The following CNBD1 variants were observed in gnomAD, a reference collection of about 807,000 sequenced individuals.
CNBD1 encodes cyclic nucleotide binding domain containing 1, also known as cyclic nucleotide-binding domain-containing protein 1.
Under a neutral mutation model 54.4 loss-of-function variants are expected in CNBD1, and 71 were observed. The observed-to-expected ratio is 1.30, with a 90% CI of 1.08 to 1.59. The LOEUF is 1.59. Ranked by LOEUF, CNBD1 falls within the 40% of genes most tolerant of loss-of-function variation. The probability of loss-of-function intolerance (pLI) is 0.00; values close to 1 mark genes in which losing one functional copy is unlikely to be tolerated. For missense variants in CNBD1, 659 were observed against 518.0 expected, an observed-to-expected ratio of 1.27 and a Z score of -2.64; for synonymous variants, 182 against 170.7, an observed-to-expected ratio of 1.07 and a Z score of -0.51.
intron 8 of CNBD1, among the ~76,000 whole-genome samples, chr8:87,308,904 C>G (rs1213316076): frequency 6.6e-6 from 1 of 152,104 alleles, no homozygotes. Flanking sequence ...ATCCATGTTG[C>G]TGCATATGAC....
intron 2 of CNBD1, among the ~76,000 whole-genome samples, chr8:87,394,940 T>C (rs547250825): frequency 2.0e-4 from 31 of 152,024 alleles, no homozygotes; most frequent in African/African-American, 6.0e-4. Context: ...TTAAGTAAAT[T>C]CACTAACCCA....
At chr8:87,159,360 T>C in intron 4 of CNBD1, among the ~76,000 whole-genome samples, 1 of 152,086 alleles carries the variant, frequency 6.6e-6, no homozygotes, top group East Asian at 1.9e-4. Context: ...AAAAAGAGAA[T>C]GGGGCTGATT....
At chr8:87,352,002 A>G (rs1189048187) in intron 9 of CNBD1, among the ~76,000 whole-genome samples, 1 of 152,230 alleles carries the variant, frequency 6.6e-6, no homozygotes, top group Non-Finnish European at 1.5e-5. Flanking sequence ...AGATATACAA[A>G]TGATCAATGA....
chr8:87,019,676 G>A (rs368253062), intron 4 of CNBD1, among the ~76,000 whole-genome samples: 83 of 152,160 alleles, frequency 5.5e-4, no homozygotes, highest in African/African-American at 1.7e-3. Flanking sequence ...TCGGGAGTTC[G>A]AGACCAGCCT....
At chr8:86,956,709 T>G (rs541214192) in intron 4 of CNBD1, among the ~76,000 whole-genome samples, 1 of 152,228 alleles carries the variant, frequency 6.6e-6, no homozygotes, top group African/African-American at 2.4e-5. Flanking sequence ...AAGTGACTTA[T>G]CAGCTTAAGG....
At chr8:86,967,772 T>C (rs1205693636) in intron 4 of CNBD1, among the ~76,000 whole-genome samples, 1 of 152,076 alleles carries the variant, frequency 6.6e-6, no homozygotes, top group Non-Finnish European at 1.5e-5. Context: ...ATTCCTGTCA[T>C]ATCTCACTCT....
chr8:87,081,511 G>T lies in CNBD1; in HGVS notation c.432-124482G>T, dbSNP rs1240180822. Among the ~76,000 whole-genome samples, 54 of 140,264 alleles carry T rather than the reference G, an allele frequency of 3.8e-4. 1 individual carries two copies. In the South Asian group the frequency reaches 7.3e-3, roughly 19 times the overall value. 92.0% of individuals were successfully genotyped at this position (140,264 alleles called of 152,430 possible). ...ACTATTTTTTGTTTTTTTTGTTTTT[G>T]TTTTTTTTTTTTTGAGATGGAGTCT... On this transcript the variant is annotated intron_variant, in intron 4 of 10. Coordinates refer to ENST00000518476, the MANE Select transcript of CNBD1 (RefSeq NM_173538.3).
intron 6 of CNBD1, among the ~76,000 whole-genome samples, chr8:87,280,892 T>C (rs1808587147): frequency 6.6e-6 from 1 of 151,564 alleles, no homozygotes; most frequent in Admixed American, 6.6e-5. Flanking sequence ...TTTACAAGTA[T>C]GAGAAACTGT....
intron 3 of CNBD1, among the ~76,000 whole-genome samples, chr8:86,927,099 A>G (rs1017304305): frequency 1.3e-5 from 2 of 152,116 alleles, no homozygotes; most frequent in Admixed American, 6.6e-5. Flanking sequence ...AACTGGTTGT[A>G]TATGTTAAAG....
rs1297555491 is a variant in CNBD1 at position 87,286,633 on chromosome 8, T to C, written c.1004T>C (p.Ile335Thr). The C allele has an allele frequency of 2.0e-6, 3 of 1,537,870 alleles. No individual in the cohort carries two copies. The highest frequency in any genetic ancestry group is 1.4e-5 in the African/African-American group (1 of 72,770). The change falls in exon 8 of 11, where the codon ATT (isoleucine) becomes ACT (threonine). Residue 335 changes from isoleucine to threonine, a missense_variant. Ile to Thr is a moderately conservative substitution (Grantham distance 89). Coordinates refer to ENST00000518476, the MANE Select transcript of CNBD1 (RefSeq NM_173538.3). Reference sequence around the variant, plus strand: ...CCTACTTTATCCATATATGAGCTAATTGCACTCCTTAAATGGAAAAAATTT... The same window carrying C: ...CCTACTTTATCCATATATGAGCTAACTGCACTCCTTAAATGGAAAAAATTT... The part of the protein sequence containing the change: ...EWPTLSIYEL[I>T]ALLKWKKFPP...
intron 6 of CNBD1, among the ~76,000 whole-genome samples, chr8:87,276,341 G>C (rs10096741): frequency 0.28 from 42,671 of 151,566 alleles, 6,453 homozygotes; most frequent in African/African-American, 0.39. Flanking sequence ...TCAGGCTCTT[G>C]AGGACATTTT....
chr8:87,080,283 C>G (rs1436114021), intron 4 of CNBD1, among the ~76,000 whole-genome samples: 1 of 152,098 alleles, frequency 6.6e-6, no homozygotes, highest in African/African-American at 2.4e-5. Flanking sequence ...CAGTGTAATA[C>G]TTAAAAATTG....
chr8:87,031,325 C>G (rs1040547578), intron 4 of CNBD1, among the ~76,000 whole-genome samples: 1 of 151,916 alleles, frequency 6.6e-6, no homozygotes, highest in Admixed American at 6.6e-5. Flanking sequence ...GCACATAACT[C>G]GTGTGTGCAA....
chr8:87,147,906 TGTTACAG>T (rs1812523168), intron 4 of CNBD1, among the ~76,000 whole-genome samples: 2 of 152,184 alleles, frequency 1.3e-5, no homozygotes, highest in African/African-American at 4.8e-5. Flanking sequence ...TAGGAGTATT[TGTTACAG>T]GTTTTCATAT....
chr8:87,328,385 A>T (rs1346240953), intron 8 of CNBD1, among the ~76,000 whole-genome samples: 2 of 151,336 alleles, frequency 1.3e-5, no homozygotes, highest in East Asian at 1.9e-4. Context: ...TAATACTTTA[A>T]TTATTGTGTA....
intron 2 of CNBD1, among the ~76,000 whole-genome samples, chr8:87,391,466 A>G (rs1334302688): frequency 2.0e-5 from 3 of 152,004 alleles, no homozygotes; most frequent in Non-Finnish European, 2.9e-5. Context: ...AAAACTGACT[A>G]CAAAGTGTAT....
chr8:87,388,217 T>C (rs1303754861), intron 2 of CNBD1, among the ~76,000 whole-genome samples: 1 of 151,870 alleles, frequency 6.6e-6, no homozygotes, highest in Non-Finnish European at 1.5e-5. Context: ...AGAAAACACA[T>C]TCAAAAGGTA....
At chr8:86,995,711 T>A (rs72663196) in intron 4 of CNBD1, among the ~76,000 whole-genome samples, 2,500 of 72,108 alleles carry the variant, frequency 0.035, 34 homozygotes, top group East Asian at 0.21. Flanking sequence ...TGTGTGTGTG[T>A]GAGAGAGAGA....
intron 3 of CNBD1, among the ~76,000 whole-genome samples, chr8:86,938,883 CAT>C (rs747026325): frequency 2.9e-4 from 44 of 152,284 alleles, no homozygotes; most frequent in Admixed American, 1.0e-3. Context: ...TATGATTCCA[CAT>C]ATCTTATATT....
Sources: allele counts gnomAD v4.1 joint callset (sites outside exome capture counted in the v4.1 genomes callset), GRCh38; gene constraint gnomAD v4.1.1; transcripts MANE v1.5; gene names NCBI Gene and HGNC (gene_info 2026-07-23, HGNC 2026-07-21).